The following ELAPOR1 variants were observed in gnomAD, a reference collection of about 807,000 sequenced individuals.
ELAPOR1 encodes the protein endosome/lysosome-associated apoptosis and autophagy regulator 1.
Under a neutral mutation model 119.7 loss-of-function variants are expected in ELAPOR1, and 77 were observed. That is an observed-to-expected ratio of 0.64 (90% CI 0.54 to 0.78). The LOEUF is 0.78. ELAPOR1 is among the 30% of genes least tolerant of loss of function. The pLI, the probability that ELAPOR1 is intolerant of heterozygous loss-of-function variation, is 0.00. For missense variants in ELAPOR1, 1,115 were observed against 1,270.4 expected (o/e 0.88, Z 1.86); for synonymous variants, 481 against 487.2 (o/e 0.99, Z 0.17).
At position 109,192,837 on chromosome 1, in the gene ELAPOR1, C is replaced by A. The variant is rs1437997114; in HGVS notation, c.1910C>A (p.Ala637Asp). ...GCCCACCAGCCTTATGGTGTCCAGG[C>A]CTGTGTGCCCTGTGGTCCAGGGACC... is the stretch of plus-strand genomic sequence containing the variant. ...LKAHQPYGVQ[A>D]CVPCGPGTKN... Residue 637 changes from alanine (A) to aspartate (D), a missense_variant, in exon 14 of 22, where the codon GCC becomes GAC. Transcript: ENST00000369939. The A allele has an allele frequency of 5.6e-6, 9 of 1,614,090 alleles. No homozygotes were observed. The highest frequency in any genetic ancestry group is 7.6e-6 in the Non-Finnish European group (9 of 1,180,034).
At chr1:109,118,863 G>GT (rs1648196672) in intron 1 of ELAPOR1, among the ~76,000 whole-genome samples, 1 of 150,138 alleles carries the variant, frequency 6.7e-6, no homozygotes, top group African/African-American at 2.5e-5. Flanking sequence ...TGAGCACAGT[G>GT]TCTAGGCTTT....
Position 109,200,057 on chromosome 1 carries a change from A to G in ELAPOR1, c.2629-2A>G, listed in dbSNP as rs775590706. ...TGAGTTCCTTGTTTTTCTCCCCAAC[A>G]GAAGACTACTTACGTGTGGCGAGAA... On this transcript the variant is annotated splice_acceptor_variant, in intron 19 of 21. Coordinates refer to ENST00000369939, the MANE Select transcript of ELAPOR1 (RefSeq NM_020775.5). LOFTEE classifies it high-confidence loss of function. 3.7e-6 allele frequency: 6 copies of G among 1,613,650 alleles called. No individual in the cohort carries two copies. Among genetic ancestry groups the G allele is most frequent in the Non-Finnish European group, 5.1e-6 (6 of 1,179,672 alleles).
At chr1:109,163,274 G>C (rs538333462) in intron 2 of ELAPOR1, among the ~76,000 whole-genome samples, 1 of 152,332 alleles carries the variant, frequency 6.6e-6, no homozygotes, top group East Asian at 1.9e-4. Flanking sequence ...GTCAAGCTGG[G>C]AAGTTAGGCT....
intron 1 of ELAPOR1, among the ~76,000 whole-genome samples, chr1:109,159,255 A>G (rs1457331668): frequency 6.6e-6 from 1 of 152,204 alleles, no homozygotes; most frequent in East Asian, 1.9e-4. Context: ...CAGGTGTATT[A>G]GAACCAGCCA....
At chr1:109,187,088 C>G in intron 8 of ELAPOR1, 1 of 985,500 alleles carries the variant, frequency 1.0e-6, no homozygotes, top group South Asian at 4.7e-5. Flanking sequence ...GTCTTCTGAA[C>G]AGTATTTTAA....
Position 109,205,768 on chromosome 1 carries a change from C to G in ELAPOR1, c.*2756C>G, listed in dbSNP as rs1303107659. ...TTAGCCATAATACTTTAAGGAGCTACTTTTTACTACCCCTTACCGTGCTGA... is the reference window on the plus strand; with the variant it reads ...TTAGCCATAATACTTTAAGGAGCTAGTTTTTACTACCCCTTACCGTGCTGA... On this transcript the variant is annotated 3_prime_UTR_variant, in exon 22 of 22. Transcript: ENST00000369939. The G allele has an allele frequency of 1.3e-5, 2 of 152,190 alleles. No homozygotes were observed. Among genetic ancestry groups the G allele is most frequent in the East Asian group, 3.8e-4 (2 of 5,196 alleles). The allele number at this position is 152,190 out of a possible 1,614,324, so 9.4% of individuals were successfully genotyped here.
At chr1:109,177,045 T>G (rs1444111729) in intron 7 of ELAPOR1, among the ~76,000 whole-genome samples, 2 of 141,394 alleles carry the variant, frequency 1.4e-5, no homozygotes. Context: ...TTCTCAATCT[T>G]TTCCCCACCT....
In ELAPOR1 at chr1:109,197,745, G is replaced by T. The variant is rs1033463869; in HGVS notation, c.2302+91G>T. Reference sequence around the variant, plus strand: ...TAAGAGAGTGTGAGGTTACCAGTCTGGGAGGTAAAAGGCCCCACATGAGGG... The same window carrying T: ...TAAGAGAGTGTGAGGTTACCAGTCTTGGAGGTAAAAGGCCCCACATGAGGG... On this transcript the variant is annotated intron_variant, in intron 16 of 21. Coordinates refer to ENST00000369939, the MANE Select transcript of ELAPOR1 (RefSeq NM_020775.5). 3.6e-5 allele frequency: 50 copies of T among 1,394,548 alleles called. 1 individual carries two copies. The African/African-American group carries it at 6.3e-4, about 18-fold the overall frequency. 86.4% of individuals were successfully genotyped at this position (1,394,548 alleles called of 1,614,324 possible).
chr1:109,154,149 T>C (rs1230569293), intron 1 of ELAPOR1, among the ~76,000 whole-genome samples: 3 of 150,910 alleles, frequency 2.0e-5, no homozygotes, highest in African/African-American at 4.9e-5. Flanking sequence ...GGCATGGTGG[T>C]GCATGCCTGT....
intron 1 of ELAPOR1, among the ~76,000 whole-genome samples, chr1:109,128,108 A>G (rs983937892): frequency 2.0e-5 from 3 of 151,916 alleles, no homozygotes; most frequent in Admixed American, 1.3e-4. Context: ...CCTGACCTTA[A>G]GTTATCCACC....
At chr1:109,144,059 A>ATTTTTTTTTTTT (rs1243626258) in intron 1 of ELAPOR1, among the ~76,000 whole-genome samples, 6 of 34,404 alleles carry the variant, frequency 1.7e-4, no homozygotes, top group African/African-American at 3.9e-4. Flanking sequence ...ATATATTTAT[A>ATTTTTTTTTTTT]TATTTTTTTT....
chr1:109,138,463 C>T (rs149243019), intron 1 of ELAPOR1, among the ~76,000 whole-genome samples: 1,995 of 152,198 alleles, frequency 0.013, 19 homozygotes, highest in Admixed American at 0.02. Flanking sequence ...GCTCGGAGCG[C>T]TCATATATCA....
At position 109,195,127 on chromosome 1, in the gene ELAPOR1, TCAATA is replaced by T. The variant is rs548780547; in HGVS notation, c.2121+534_2121+538del. Among the ~76,000 whole-genome samples, 442 of 149,956 alleles carry T rather than the reference TCAATA, an allele frequency of 2.9e-3. 1 individual carries two copies. Among genetic ancestry groups the T allele is most frequent in the Non-Finnish European group, 5.0e-3 (337 of 67,218 alleles). On this transcript the variant is annotated intron_variant, in intron 15 of 21. Coordinates refer to ENST00000369939, the MANE Select transcript of ELAPOR1 (RefSeq NM_020775.5). ...TTCATCTCAGAAAAATAATAAAAAA[TCAATA>T]AAATAAAATAAAATAAGGTGTTCTT...
intron 21 of ELAPOR1, 28 bp from the exon 22 acceptor site, chr1:109,202,909 GCAGCAGC>G: frequency 6.2e-7 from 1 of 1,612,716 alleles, no homozygotes; most frequent in Non-Finnish European, 8.5e-7. Flanking sequence ...TTGCCCCTGT[GCAGCAGC>G]CAGCTCCTGT....
intron 1 of ELAPOR1, among the ~76,000 whole-genome samples, chr1:109,148,009 T>TG (rs1333038208): frequency 8.0e-5 from 12 of 149,608 alleles, no homozygotes; most frequent in Non-Finnish European, 1.8e-4. Flanking sequence ...TTTTTTTTTT[T>TG]TGTATTTTTA....
chr1:109,163,544 G>A (rs893779103), intron 2 of ELAPOR1, among the ~76,000 whole-genome samples: 10 of 149,462 alleles, frequency 6.7e-5, no homozygotes, highest in African/African-American at 2.2e-4. Flanking sequence ...AGGCACACGC[G>A]ACCACTCCCA....
intron 8 of ELAPOR1, chr1:109,187,607 G>A: frequency 1.0e-6 from 1 of 1,002,316 alleles, no homozygotes; most frequent in African/African-American, 1.7e-5. Context: ...GGGGTCTCCT[G>A]CGGGTCATCT....
At chr1:109,188,476 GACC>G (rs1384642910) in intron 9 of ELAPOR1, 122 bp downstream of exon 9, 1 of 1,138,672 alleles carries the variant, frequency 8.8e-7, no homozygotes, top group African/African-American at 1.6e-5. Context: ...AAGGAATAAG[GACC>G]AGGCCACCTT....
intron 7 of ELAPOR1, among the ~76,000 whole-genome samples, chr1:109,174,439 A>AAAAAAAAAAAAAAAAAAC (rs1652127379): frequency 7.2e-6 from 1 of 138,334 alleles, no homozygotes; most frequent in Non-Finnish European, 1.6e-5. Flanking sequence ...AAAAAAAAAA[A>AAAAAAAAAAAAAAAAAAC]AAAAAAAAAT....
Sources: allele counts gnomAD v4.1 joint callset (sites outside exome capture counted in the v4.1 genomes callset), GRCh38; gene constraint gnomAD v4.1.1; transcripts MANE v1.5; gene names NCBI Gene and HGNC (gene_info 2026-07-23, HGNC 2026-07-21).